IFT56: variants seen among roughly 807,000 people sequenced by gnomAD.
IFT56 encodes the protein intraflagellar transport 56, also known as intraflagellar transport protein 56.
chr7:139,154,353 CTT>C, the IFT56 span, among the ~76,000 whole-genome samples: 64 of 131,592 alleles, frequency 4.9e-4, no homozygotes, highest in Middle Eastern at 4.0e-3. Flanking sequence ...CAAAGTTATC[CTT>C]TTTTTTTTTT....
At chr7:139,153,579 T>C in the IFT56 span, among the ~76,000 whole-genome samples, 2 of 152,220 alleles carry the variant, frequency 1.3e-5, no homozygotes, top group African/African-American at 2.4e-5. Flanking sequence ...TATGGAATCA[T>C]ATAATATTTG....
the IFT56 span, among the ~76,000 whole-genome samples, chr7:139,175,911 C>T: frequency 6.6e-6 from 1 of 152,050 alleles, no homozygotes; most frequent in Non-Finnish European, 1.5e-5. Context: ...CTCACTGCAA[C>T]CTCCGCCTCC....
At chr7:139,174,008 T>C in the IFT56 span, 8 of 625,568 alleles carry the variant, frequency 1.3e-5, no homozygotes, top group Non-Finnish European at 2.4e-5. Context: ...TTTCATCTTT[T>C]TCATCAATGA....
chr7:139,169,435 G>C, the IFT56 span: 1 of 1,255,510 alleles, frequency 8.0e-7, no homozygotes. Context: ...TCTCTGTCTA[G>C]GGATGTATCT....
At chr7:139,178,840 C>T in the IFT56 span, among the ~76,000 whole-genome samples, 4 of 151,946 alleles carry the variant, frequency 2.6e-5, no homozygotes, top group Admixed American at 6.6e-5. Context: ...GCACTATGAT[C>T]GTGCCTGTGA....
chr7:139,133,954 T>C, the IFT56 span: 17 of 1,489,934 alleles, frequency 1.1e-5, no homozygotes, highest in Middle Eastern at 1.7e-4. Context: ...AGTCTAGGTG[T>C]GTCCGCAGAG....
At chr7:139,161,791 A>G in the IFT56 span, among the ~76,000 whole-genome samples, 1 of 152,094 alleles carries the variant, frequency 6.6e-6, no homozygotes, top group African/African-American at 2.4e-5. Context: ...TATTTACTCC[A>G]TTTCTTATCT....
chr7:139,139,303 G>C, the IFT56 span, among the ~76,000 whole-genome samples: 1 of 152,134 alleles, frequency 6.6e-6, no homozygotes, highest in Non-Finnish European at 1.5e-5. Flanking sequence ...AAAAGGCATA[G>C]GAGGATAGAA....
chr7:139,187,643 G>A, the IFT56 span: 2 of 1,384,170 alleles, frequency 1.4e-6, no homozygotes, highest in Non-Finnish European at 2.0e-6. Flanking sequence ...TGATTATAAT[G>A]ATGTTTTAGA....
At chr7:139,168,574 A>C in the IFT56 span, 3 of 589,702 alleles carry the variant, frequency 5.1e-6, no homozygotes, top group Non-Finnish European at 9.3e-6. Flanking sequence ...AGAGACAAAA[A>C]AAAAAAACAA....
the IFT56 span, among the ~76,000 whole-genome samples, chr7:139,163,985 C>T: frequency 6.6e-6 from 1 of 152,180 alleles, no homozygotes; most frequent in Non-Finnish European, 1.5e-5. Flanking sequence ...AGAAATACAA[C>T]AGTACACAAA....
the IFT56 span, among the ~76,000 whole-genome samples, chr7:139,145,811 A>G: frequency 6.6e-6 from 1 of 152,154 alleles, no homozygotes; most frequent in Admixed American, 6.5e-5. Context: ...ATTAGTAGTG[A>G]AAGTCTTTGA....
chr7:139,143,422 G>A, the IFT56 span, among the ~76,000 whole-genome samples: 3 of 151,638 alleles, frequency 2.0e-5, no homozygotes, highest in Non-Finnish European at 4.4e-5. Flanking sequence ...CTAGTAGACT[G>A]AAACATATAT....
At chr7:139,147,271 C>A in the IFT56 span, 2 of 1,611,002 alleles carry the variant, frequency 1.2e-6, no homozygotes, top group Non-Finnish European at 8.5e-7. Flanking sequence ...TATATATAAG[C>A]GAATACTGCT....
At chr7:139,160,932 C>T in the IFT56 span, 1 of 1,608,264 alleles carries the variant, frequency 6.2e-7, no homozygotes, top group South Asian at 1.1e-5. Flanking sequence ...ATAAGCCTTT[C>T]TTCTTTAAAT....
At chr7:139,181,195 C>T in the IFT56 span, 2 of 1,605,602 alleles carry the variant, frequency 1.2e-6, no homozygotes, top group Non-Finnish European at 1.7e-6. Context: ...ATGACTGCTA[C>T]AAGGTGAGTC....
chr7:139,148,364 G>A, the IFT56 span: 1 of 1,609,486 alleles, frequency 6.2e-7, no homozygotes, highest in Non-Finnish European at 8.5e-7. Context: ...CTTTACAATG[G>A]CAGAGCAGCT....
the IFT56 span, among the ~76,000 whole-genome samples, chr7:139,149,765 G>A: frequency 6.6e-3 from 1,006 of 152,096 alleles, 8 homozygotes; most frequent in African/African-American, 0.023. Flanking sequence ...TGTAGTTCTC[G>A]TTTTATAGGA....
the IFT56 span, among the ~76,000 whole-genome samples, chr7:139,134,427 C>T: frequency 1.3e-5 from 2 of 152,010 alleles, no homozygotes; most frequent in African/African-American, 2.4e-5. Flanking sequence ...CATGCCACCA[C>T]GCCCGGCTAA....
Sources: allele counts gnomAD v4.1 joint callset (sites outside exome capture counted in the v4.1 genomes callset), GRCh38; gene constraint gnomAD v4.1.1; transcripts MANE v1.5; gene names NCBI Gene and HGNC (gene_info 2026-07-23, HGNC 2026-07-21).